Variants in PBX1 observed in about 807,000 individuals in gnomAD.
PBX1 encodes pre-B-cell leukemia transcription factor 1.
Under a neutral mutation model 53.4 loss-of-function variants are expected in PBX1, and 6 were observed. That is an observed-to-expected ratio of 0.11 (90% CI 0.06 to 0.22). PBX1 has a LOEUF of 0.22. PBX1 is among the 10% of genes least tolerant of loss of function. The probability of loss-of-function intolerance (pLI) is 1.00; values close to 1 mark genes in which losing one functional copy is unlikely to be tolerated. For missense variants in PBX1, 251 were observed against 551.4 expected (o/e 0.46, Z 5.46); for synonymous variants, 204 against 212.3 (o/e 0.96, Z 0.34).
chr1:164,742,860 A>G (rs371044370), intron 2 of PBX1, among the ~76,000 whole-genome samples: 1 of 152,200 alleles, frequency 6.6e-6, no homozygotes, highest in South Asian at 2.1e-4. Context: ...GCTGCTTGAA[A>G]ATGCTAGAGG....
chr1:164,669,402 TA>T (rs1288894411), intron 2 of PBX1, among the ~76,000 whole-genome samples: 3 of 152,082 alleles, frequency 2.0e-5, no homozygotes, highest in Non-Finnish European at 4.4e-5. Flanking sequence ...GGGATTGGGA[TA>T]AGGGGCGCCC....
At chr1:164,828,886 T>A (rs1361050130) in intron 8 of PBX1, 2 of 152,210 alleles carry the variant, frequency 1.3e-5, no homozygotes, top group Non-Finnish European at 2.9e-5. Flanking sequence ...GGATAAAATA[T>A]TAGACTTTTT....
At chr1:164,651,088 G>A (rs991172932) in intron 2 of PBX1, among the ~76,000 whole-genome samples, 1 of 152,170 alleles carries the variant, frequency 6.6e-6, no homozygotes, top group Admixed American at 6.5e-5. Flanking sequence ...CTGAAGGAGG[G>A]TGATGAATTC....
chr1:164,616,442 A>G (rs1485791403), intron 2 of PBX1, among the ~76,000 whole-genome samples: 2 of 152,164 alleles, frequency 1.3e-5, no homozygotes, highest in African/African-American at 2.4e-5. Flanking sequence ...ATGTCTTGCA[A>G]TTACTTAGCA....
At chr1:164,856,707 A>C (rs1671984923), downstream of PBX1, among the ~76,000 whole-genome samples, 2 of 152,128 alleles carry the variant, frequency 1.3e-5, no homozygotes, top group South Asian at 4.1e-4. Context: ...TATAACTGCT[A>C]TGTTGGAATT....
intron 2 of PBX1, chr1:164,774,541 G>C (rs12737465): frequency 1.3e-5 from 2 of 152,070 alleles, no homozygotes; most frequent in South Asian, 2.1e-4. Context: ...GTTAGAGGCC[G>C]TGGGCTGTGT....
intron 2 of PBX1, among the ~76,000 whole-genome samples, chr1:164,609,334 C>T (rs1223857462): frequency 6.6e-6 from 1 of 152,104 alleles, no homozygotes; most frequent in Non-Finnish European, 1.5e-5. Flanking sequence ...CTGTAACCCA[C>T]CCTGCTTCAG....
At chr1:164,831,154 G>A (rs912711404) in intron 8 of PBX1, among the ~76,000 whole-genome samples, 6 of 152,128 alleles carry the variant, frequency 3.9e-5, no homozygotes, top group South Asian at 2.1e-4. Context: ...TACTGGCTTC[G>A]TCATATTGTC....
At chr1:164,816,749 A>C (rs1325575617) in intron 6 of PBX1, 1 of 152,178 alleles carries the variant, frequency 6.6e-6, no homozygotes, top group African/African-American at 2.4e-5. Context: ...AGTAGCAACA[A>C]GGTTGAGAGA....
chr1:164,813,332 G>T (rs1669713012), intron 6 of PBX1: 1 of 152,186 alleles, frequency 6.6e-6, no homozygotes, highest in African/African-American at 2.4e-5. Flanking sequence ...TTTCAACATG[G>T]ATATAATAAA....
intron 2 of PBX1, among the ~76,000 whole-genome samples, chr1:164,880,101 T>C (rs188336291): frequency 6.6e-6 from 1 of 152,290 alleles, no homozygotes; most frequent in East Asian, 1.9e-4. Context: ...AAGGCTTATG[T>C]TTTTCAATGT....
chr1:164,579,120 AG>A (rs1274390012), intron 2 of PBX1, among the ~76,000 whole-genome samples: 5 of 152,144 alleles, frequency 3.3e-5, no homozygotes, highest in Non-Finnish European at 2.9e-5. Context: ...GAGTACTGAG[AG>A]GAAGTGTGAA....
At chr1:164,592,927 C>A (rs1446601129) in intron 2 of PBX1, among the ~76,000 whole-genome samples, 8 of 151,966 alleles carry the variant, frequency 5.3e-5, no homozygotes, top group Admixed American at 4.6e-4. Context: ...ACTTTCCCAG[C>A]ATTTGTATGT....
intron 2 of PBX1, among the ~76,000 whole-genome samples, chr1:164,740,173 C>T (rs777829739): frequency 1.7e-4 from 26 of 152,114 alleles, no homozygotes; most frequent in Non-Finnish European, 2.5e-4. Flanking sequence ...TGAAAGGTTA[C>T]GGCTAGTTGG....
At chr1:164,755,860 T>G (rs1437898503) in intron 2 of PBX1, among the ~76,000 whole-genome samples, 2 of 152,006 alleles carry the variant, frequency 1.3e-5, no homozygotes, top group Non-Finnish European at 2.9e-5. Flanking sequence ...CCCTGGCTCC[T>G]GATAAGCTGC....
chr1:164,580,282 C>CT (rs919973957), intron 2 of PBX1, among the ~76,000 whole-genome samples: 11 of 152,124 alleles, frequency 7.2e-5, no homozygotes, highest in African/African-American at 2.7e-4. Context: ...ATCCACCTGA[C>CT]TTTTTTTATT....
At chr1:164,568,136 TA>T (rs1653567636) in intron 2 of PBX1, among the ~76,000 whole-genome samples, 1 of 152,160 alleles carries the variant, frequency 6.6e-6, no homozygotes, top group Non-Finnish European at 1.5e-5. Flanking sequence ...AACGAGCAAA[TA>T]AACCAAAACC....
chr1:164,861,820 C>G (rs1672105282), intron 2 of PBX1, among the ~76,000 whole-genome samples: 1 of 152,162 alleles, frequency 6.6e-6, no homozygotes, highest in Non-Finnish European at 1.5e-5. Context: ...AGGCAGAGAA[C>G]AGCTCATGCA....
At chr1:164,562,975 A>C (rs1474684056) in intron 1 of PBX1, 2 of 229,230 alleles carry the variant, frequency 8.7e-6, no homozygotes, top group Non-Finnish European at 8.4e-6. Context: ...TAAAAAAAAA[A>C]AAAAACCCTT....
Sources: gnomAD v4.1 joint callset for allele counts (sites outside exome capture counted in the v4.1 genomes callset) on GRCh38, gnomAD v4.1.1 for gene constraint, MANE v1.5 for transcripts, NCBI Gene and HGNC (gene_info 2026-07-23, HGNC 2026-07-21) for gene names.